The following IFT172 variants were observed in gnomAD, a reference collection of about 807,000 sequenced individuals.
IFT172 encodes the protein intraflagellar transport protein 172 homolog.
A neutral mutation model predicts 248.9 loss-of-function variants in IFT172; 164 were observed. The ratio of observed to expected loss-of-function variants is 0.66; its 90% confidence interval spans 0.58 to 0.75. The LOEUF is 0.75. IFT172 is among the 30% of genes least tolerant of loss of function. IFT172 has a pLI of 0.00. For missense variants in IFT172, 1,950 were observed against 2,192.4 expected (o/e 0.89, Z 2.21); for synonymous variants, 729 against 791.6 (o/e 0.92, Z 1.33).
At chr2:27,444,646 G>A (rs937930866) in intron 47 of IFT172, 125 bp from the exon 48 acceptor site, 19 of 707,602 alleles carry the variant, frequency 2.7e-5, no homozygotes, top group South Asian at 1.8e-4. Context: ...TAGTGTGTAT[G>A]TGGGTTTTTT....
intron 30 of IFT172, chr2:27,455,048 C>T (rs1427516582): frequency 6.9e-6 from 2 of 291,696 alleles, no homozygotes; most frequent in Non-Finnish European, 1.3e-5. Context: ...AACAGAGTCT[C>T]TCCAAAAAAT....
chr2:27,447,589 C>G lies in IFT172; in HGVS notation c.4585G>C (p.Glu1529Gln). Residue 1529 changes from glutamate to glutamine, a missense_variant, in exon 42 of 48, where the codon GAG becomes CAG. Physicochemically the swap from Glu to Gln is conservative, Grantham distance 29 (BLOSUM62 2). Around this residue, in one of 3 missense-constraint regions of IFT172, gnomAD observed 620 missense variants for 699.0 expected, o/e 0.89. Transcript: ENST00000260570. ...ATCAGCAGCATCGTCTTGAACTCCT[C>G]ATGGGCTGGAGAGTTTGCCTCACTG... ...KSSEANSPAH[E>Q]EFKTMLLIAH... 1 of 1,614,158 alleles carries G rather than the reference C, an allele frequency of 6.2e-7. No individual in the cohort carries two copies. The highest frequency in any genetic ancestry group is 8.5e-7 in the Non-Finnish European group (1 of 1,180,030).
chr2:27,454,721 A>G lies in IFT172; in HGVS notation c.3372-61T>C. 7.2e-7 allele frequency: 1 copy of G among 1,397,260 alleles called. No homozygotes were observed. Among genetic ancestry groups the G allele is most frequent in the Non-Finnish European group, 1.0e-6 (1 of 990,052 alleles). 86.6% of individuals were successfully genotyped at this position (1,397,260 alleles called of 1,614,324 possible). ...CATGCTTCCCTTCATAAAAGGAACA[A>G]GACAAAACAGAGAAAGGACAGAGTT... On this transcript the variant is annotated intron_variant, in intron 30 of 47. Coordinates refer to ENST00000260570, the MANE Select transcript of IFT172 (RefSeq NM_015662.3). This position sits in a 1 kb window ranked among gnomAD's most constrained non-coding sequence, Gnocchi z 4.2.
chr2:27,464,441 C>T (rs1666924771), intron 18 of IFT172, among the ~76,000 whole-genome samples: 1 of 152,010 alleles, frequency 6.6e-6, no homozygotes, highest in Non-Finnish European at 1.5e-5. Context: ...GTAATTGGAA[C>T]CAAGATTTGA....
chr2:27,462,368 G>A (rs1050933774), intron 20 of IFT172, among the ~76,000 whole-genome samples: 4 of 152,206 alleles, frequency 2.6e-5, no homozygotes, highest in African/African-American at 9.6e-5. Flanking sequence ...TCCTCAAATT[G>A]TATAAGCTTC....
At position 27,445,948 on chromosome 2, in the gene IFT172, C is replaced by T. The variant is rs1665048771; in HGVS notation, c.4796G>A (p.Arg1599His). ...WDNMAFIFLNRFLDLTDAIEE... is the reference protein window; with the variant it reads ...WDNMAFIFLNHFLDLTDAIEE... ...ACTCACATCGGTCAGGTCCAAAAAGCGATTGAGGAAGATGAATGCCATGTT... is the reference window on the plus strand; with the variant it reads ...ACTCACATCGGTCAGGTCCAAAAAGTGATTGAGGAAGATGAATGCCATGTT... Residue 1599 changes from arginine (R) to histidine (H), a missense_variant, in exon 44 of 48, where the codon CGC becomes CAC. Physicochemically the swap from Arg to His is conservative, Grantham distance 29. This residue lies in a region of IFT172 where 620 missense variants were observed against 699.0 expected (regional missense o/e 0.89). Coordinates refer to ENST00000260570, the MANE Select transcript of IFT172 (RefSeq NM_015662.3). This position sits in a 1 kb window ranked among gnomAD's most constrained non-coding sequence, Gnocchi z 4.4. The T allele has an allele frequency of 1.9e-6, 3 of 1,614,066 alleles. No homozygotes were observed. The highest frequency in any genetic ancestry group is 1.6e-4 in the Middle Eastern group (1 of 6,084).
chr2:27,475,179 A>G (rs1190086929), intron 14 of IFT172, among the ~76,000 whole-genome samples: 3 of 152,146 alleles, frequency 2.0e-5, no homozygotes, highest in South Asian at 2.1e-4. Context: ...TTATGAAGTC[A>G]GGCAATTTCA....
chr2:27,461,067 G>T lies in IFT172; in HGVS notation c.2469C>A (p.His823Gln), dbSNP rs1666621340. The stretch of plus-strand genomic sequence containing the variant: ...AGCACTCCAGGGCCTTCTGTGGATT[G>T]TGAATCTTCTCAAAGAGATCACCTG... ...ERAGDLFEKI[H>Q]NPQKALECYR... Residue 823 changes from histidine (H) to glutamine (Q), a missense_variant, in exon 23 of 48, where the codon CAC (histidine) becomes CAA (glutamine). Physicochemically the swap from His to Gln is conservative, Grantham distance 24 (BLOSUM62 0). Transcript: ENST00000260570. The T allele has an allele frequency of 1.2e-6, 2 of 1,614,112 alleles. No homozygotes were observed. Among genetic ancestry groups the T allele is most frequent in the East Asian group, 4.5e-5 (2 of 44,888 alleles).
In IFT172 at chr2:27,447,923, C is replaced by T. The variant is rs2148473913; in HGVS notation, c.4429-1G>A. On this transcript the variant is annotated splice_acceptor_variant, in intron 40 of 47. Transcript: ENST00000260570. LOFTEE classifies it high-confidence loss of function. ...AGATCCTTTTGTAGATATTGAAGTT[C>T]TAGAGGTAGAGGGAAGAAGGGGATC... The T allele has an allele frequency of 6.3e-7, 1 of 1,580,624 alleles. No homozygotes were observed. Among genetic ancestry groups the T allele is most frequent in the South Asian group, 1.1e-5 (1 of 90,298 alleles).
chr2:27,445,471 T>G lies in IFT172; in HGVS notation c.4915-22A>C. 6.2e-7 allele frequency: 1 copy of G among 1,602,986 alleles called. No individual in the cohort carries two copies. Among genetic ancestry groups the G allele is most frequent in the Non-Finnish European group, 8.5e-7 (1 of 1,174,322 alleles). On this transcript the variant is annotated intron_variant, in intron 45 of 47. Coordinates refer to ENST00000260570, the MANE Select transcript of IFT172 (RefSeq NM_015662.3). This position sits in a 1 kb window ranked among gnomAD's most constrained non-coding sequence, Gnocchi z 4.4. ...CCTCCTGGAAAGGACAAGAAGGGAG[T>G]GGTAGCTTCACACAGGGCAGGGCAG...
chr2:27,470,106 A>G (rs11127013), intron 16 of IFT172, among the ~76,000 whole-genome samples: 56,887 of 151,856 alleles, frequency 0.37, 11,005 homozygotes, highest in Admixed American at 0.44. Flanking sequence ...TTAGCTGGAC[A>G]TGGTGGCATG....
chr2:27,456,810 C>T (rs570259385), intron 29 of IFT172, among the ~76,000 whole-genome samples, 157 bp from the exon 30 acceptor site: 6 of 152,054 alleles, frequency 3.9e-5, no homozygotes, highest in African/African-American at 1.4e-4. Flanking sequence ...TTTGGGAGGC[C>T]GAGGCAAGAG....
chr2:27,454,478 A>C lies in IFT172; in HGVS notation c.3466-60T>G. The C allele has an allele frequency of 6.2e-7, 1 of 1,613,176 alleles. No homozygotes were observed. Among genetic ancestry groups the C allele is most frequent in the Non-Finnish European group, 8.5e-7 (1 of 1,179,166 alleles). On this transcript the variant is annotated intron_variant, in intron 31 of 47. Transcript: ENST00000260570. This position sits in a 1 kb window ranked among gnomAD's most constrained non-coding sequence, Gnocchi z 4.2. ...AAGGAGACTGGCATCACAGGCAGGCATGAGACTGGGGGTCTGCACACCCAG... is the reference window on the plus strand; with the variant it reads ...AAGGAGACTGGCATCACAGGCAGGCCTGAGACTGGGGGTCTGCACACCCAG...
chr2:27,461,086 T>C lies in IFT172; in HGVS notation c.2450A>G (p.Asp817Gly). 1 of 1,614,068 alleles carries C rather than the reference T, an allele frequency of 6.2e-7. No individual in the cohort carries two copies. Among genetic ancestry groups the C allele is most frequent in the South Asian group, 1.1e-5 (1 of 91,080 alleles). The stretch of plus-strand genomic sequence containing the variant: ...TGGATTGTGAATCTTCTCAAAGAGA[T>C]CACCTGCCTGTTAACACATACCACA... ...IKGELYERAG[D>G]LFEKIHNPQK... The change falls in exon 23 of 48, where the codon GAT becomes GGT. Residue 817 changes from aspartate (D) to glycine (G), a missense_variant. Around this residue, in one of 3 missense-constraint regions of IFT172, gnomAD observed 1,166 missense variants for 1,254.1 expected, o/e 0.93. Coordinates refer to ENST00000260570, the MANE Select transcript of IFT172 (RefSeq NM_015662.3).
intron 25 of IFT172, chr2:27,459,130 A>G (rs13399598): frequency 1.9e-4 from 116 of 620,898 alleles, no homozygotes; most frequent in African/African-American, 1.8e-3. Context: ...AGCATTATTC[A>G]TGAAGAATCA....
At chr2:27,481,283 C>T in intron 7 of IFT172, 23 bp from the exon 8 acceptor site, 1 of 1,588,348 alleles carries the variant, frequency 6.3e-7, no homozygotes, top group Non-Finnish European at 8.6e-7. Context: ...TAGAGGGTTT[C>T]AATCACTCTT....
At position 27,471,110 on chromosome 2, in the gene IFT172, G is replaced by C. The variant is rs767729942; in HGVS notation, c.1525-15C>G. 1 of 1,604,626 alleles carries C rather than the reference G, an allele frequency of 6.2e-7. No individual in the cohort carries two copies. Among genetic ancestry groups the C allele is most frequent in the East Asian group, 2.2e-5 (1 of 44,722 alleles). On this transcript the variant is annotated splice_polypyrimidine_tract_variant and intron_variant, in intron 15 of 47. Coordinates refer to ENST00000260570, the MANE Select transcript of IFT172 (RefSeq NM_015662.3). ...TACAGATGCAACTGAAGAAAGAAAA[G>C]GCAGGTAACACAATTACAAGGGGAT...
chr2:27,478,041 G>C lies in IFT172; in HGVS notation c.1121C>G (p.Ser374Ter), dbSNP rs1486217518. The change falls in exon 11 of 48, where the codon TCA (serine) becomes TGA (stop). Residue 374 changes from serine (S) to a stop codon, truncating the protein, a stop_gained. Transcript: ENST00000260570. LOFTEE classifies it high-confidence loss of function. ...GKERYLVAHT[S>*]ETLLLGDLNT... ...CAGGTCCCCCAGCAGCAGTGTTTCT[G>C]ATGTGTGAGCCACCAAGTAACGTTC... The C allele has an allele frequency of 1.2e-6, 2 of 1,614,140 alleles. No individual in the cohort carries two copies. The highest frequency in any genetic ancestry group is 2.2e-5 in the South Asian group (2 of 91,072).
At chr2:27,473,459 A>T (rs1219289133) in intron 14 of IFT172, among the ~76,000 whole-genome samples, 5 of 135,198 alleles carry the variant, frequency 3.7e-5, no homozygotes, top group South Asian at 2.8e-4. Context: ...TACAGGCGCC[A>T]GCCACCACGA....
Sources: gnomAD v4.1 joint callset for allele counts (sites outside exome capture counted in the v4.1 genomes callset) on GRCh38, gnomAD v4.1.1 for gene constraint, gnomAD v4.1.1 regional missense constraint, Gnocchi (gnomAD v3.1) non-coding constraint, MANE v1.5 for transcripts, NCBI Gene and HGNC (gene_info 2026-07-23, HGNC 2026-07-21) for gene names.